The following ELP4 variants were observed in gnomAD, a reference collection of about 807,000 sequenced individuals.
ELP4 encodes elongator acetyltransferase complex subunit 4, also known as elongator complex protein 4.
In ELP4, 51 loss-of-function variants were observed where a neutral mutation model predicts 48.9. That is an observed-to-expected ratio of 1.04 (90% CI 0.83 to 1.32). ELP4 has a LOEUF of 1.32. ELP4 is among the 40% of genes most tolerant of loss of function. ELP4 has a pLI of 0.00. For missense variants in ELP4, 519 were observed against 514.6 expected (o/e 1.01, Z -0.08); for synonymous variants, 210 against 189.2 (o/e 1.11, Z -0.90).
chr11:31,599,572 A>T, intron 4 of ELP4: 1 of 152,172 alleles, frequency 6.6e-6, no homozygotes, highest in Non-Finnish European at 1.5e-5. Flanking sequence ...AGACTGGGTC[A>T]TTTACAAACA....
At chr11:31,757,002 C>A (rs1007520702) in intron 9 of ELP4, among the ~76,000 whole-genome samples, 2 of 152,198 alleles carry the variant, frequency 1.3e-5, no homozygotes, top group Admixed American at 6.5e-5. Flanking sequence ...TTTTTAACTT[C>A]TTCGCCATCT....
chr11:31,537,444 T>A (rs1376414098), intron 2 of ELP4, among the ~76,000 whole-genome samples: 1 of 152,238 alleles, frequency 6.6e-6, no homozygotes, highest in Non-Finnish European at 1.5e-5. Context: ...TTTCCAACTG[T>A]GTTCTTTGTT....
At chr11:31,729,466 A>T (rs540713614) in intron 9 of ELP4, among the ~76,000 whole-genome samples, 2 of 152,342 alleles carry the variant, frequency 1.3e-5, no homozygotes, top group Admixed American at 6.5e-5. Context: ...ATAATGTGTA[A>T]TAAAAATAAT....
intron 3 of ELP4, among the ~76,000 whole-genome samples, chr11:31,563,800 CAGAA>C (rs1219372797): frequency 6.6e-6 from 1 of 151,966 alleles, no homozygotes; most frequent in African/African-American, 2.4e-5. Context: ...CACCAAATTG[CAGAA>C]AGAACCAAAA....
chr11:31,558,565 T>C (rs1956965227), intron 3 of ELP4, among the ~76,000 whole-genome samples: 4 of 152,180 alleles, frequency 2.6e-5, no homozygotes, highest in Admixed American at 6.5e-5. Context: ...AAGTAAAACT[T>C]ATTTGGAATC....
At chr11:31,743,830 T>TA (rs1301036297) in intron 9 of ELP4, among the ~76,000 whole-genome samples, 1 of 151,854 alleles carries the variant, frequency 6.6e-6, no homozygotes, top group African/African-American at 2.4e-5. Flanking sequence ...ACATCACAAT[T>TA]AAAGAGCTAG....
intron 9 of ELP4, among the ~76,000 whole-genome samples, chr11:31,685,020 T>G (rs985967694): frequency 1.3e-4 from 20 of 152,142 alleles, no homozygotes; most frequent in Non-Finnish European, 2.5e-4. Context: ...CTGAAAACCT[T>G]TTACAAAAAG....
At chr11:31,780,892 C>T (rs1402093522) in intron 9 of ELP4, 1 of 152,222 alleles carries the variant, frequency 6.6e-6, no homozygotes, top group African/African-American at 2.4e-5. Context: ...ATTGGTTCTC[C>T]TGTTAAGCAA....
chr11:31,599,275 A>C (rs1178053616), intron 4 of ELP4: 2 of 152,196 alleles, frequency 1.3e-5, no homozygotes, highest in Non-Finnish European at 2.9e-5. Context: ...GCTTATGTTT[A>C]CTTGTATTTA....
chr11:31,733,637 G>A (rs796177550), intron 9 of ELP4, among the ~76,000 whole-genome samples: 25 of 152,166 alleles, frequency 1.6e-4, no homozygotes, highest in African/African-American at 5.8e-4. Flanking sequence ...GAAGTCTATA[G>A]TCTACCAAGA....
At chr11:31,614,708 C>G (rs919387712) in intron 5 of ELP4, among the ~76,000 whole-genome samples, 2 of 152,110 alleles carry the variant, frequency 1.3e-5, no homozygotes, top group African/African-American at 4.8e-5. Context: ...AATGAGAACT[C>G]AGCAATATTT....
intron 9 of ELP4, among the ~76,000 whole-genome samples, chr11:31,754,378 C>T (rs1441381154): frequency 6.6e-6 from 1 of 152,116 alleles, no homozygotes; most frequent in African/African-American, 2.4e-5. Flanking sequence ...CCTAGCCCAC[C>T]GAGCTGCAAC....
At chr11:31,581,630 G>T (rs1224862108) in intron 3 of ELP4, among the ~76,000 whole-genome samples, 3 of 151,940 alleles carry the variant, frequency 2.0e-5, no homozygotes, top group Non-Finnish European at 4.4e-5. Context: ...CCTTGTTGTA[G>T]GTCTACTTCC....
In ELP4 at chr11:31,790,054, T is replaced by G. The variant is rs766789287; in HGVS notation, c.*6530T>G. Reference sequence around the variant, plus strand: ...GATGAAAGAAATAGCCATGTAGATATTCCCTTTGAGAAACAGACATGGAAT... The same window carrying G: ...GATGAAAGAAATAGCCATGTAGATAGTCCCTTTGAGAAACAGACATGGAAT... On this transcript the variant is annotated 3_prime_UTR_variant, in exon 10 of 10. Transcript: ENST00000640961. 7.9e-6 allele frequency: 9 copies of G among 1,132,100 alleles called. No individual in the cohort carries two copies. The East Asian group carries it at 1.6e-4, about 20-fold the overall frequency. 70.1% of individuals were successfully genotyped at this position (1,132,100 alleles called of 1,614,324 possible).
At chr11:31,656,943 CT>C (rs1480741963) in intron 9 of ELP4, among the ~76,000 whole-genome samples, 7 of 152,070 alleles carry the variant, frequency 4.6e-5, no homozygotes, top group Admixed American at 1.3e-4. Flanking sequence ...TGAAACACTT[CT>C]TTTCATAATG....
intron 9 of ELP4, among the ~76,000 whole-genome samples, chr11:31,777,469 G>GT (rs1948274312): frequency 6.6e-6 from 1 of 152,210 alleles, no homozygotes. Context: ...CACATACTGA[G>GT]TGAATGCTTC....
At chr11:31,615,053 C>T (rs991480570) in intron 5 of ELP4, among the ~76,000 whole-genome samples, 2 of 151,946 alleles carry the variant, frequency 1.3e-5, no homozygotes, top group African/African-American at 4.8e-5. Context: ...TTGTATTGTT[C>T]TCCTCTAGAA....
chr11:31,730,016 C>T (rs368892773), intron 9 of ELP4, among the ~76,000 whole-genome samples: 1 of 152,100 alleles, frequency 6.6e-6, no homozygotes, highest in African/African-American at 2.4e-5. Flanking sequence ...AATTCAACAC[C>T]AAAACATAGA....
intron 9 of ELP4, among the ~76,000 whole-genome samples, chr11:31,731,691 T>C (rs1484199758): frequency 6.6e-6 from 1 of 151,916 alleles, no homozygotes; most frequent in African/African-American, 2.4e-5. Flanking sequence ...TGGAAATGTA[T>C]ATCCAAATTC....
Sources: gnomAD v4.1 joint callset for allele counts (sites outside exome capture counted in the v4.1 genomes callset) on GRCh38, gnomAD v4.1.1 for gene constraint, MANE v1.5 for transcripts, NCBI Gene and HGNC (gene_info 2026-07-23, HGNC 2026-07-21) for gene names.